GK5: variants seen among roughly 807,000 people sequenced by gnomAD.
GK5 encodes ATP:glycerol 3-phosphotransferase 5.
In GK5, 39 loss-of-function variants were observed where a neutral mutation model predicts 77.3. The observed-to-expected ratio is 0.50, with a 90% CI of 0.39 to 0.66. The LOEUF (loss-of-function observed/expected upper bound fraction) is 0.66. GK5 is among the 30% of genes least tolerant of loss of function. GK5 has a pLI of 0.00. For synonymous variants in GK5, 211 were observed against 208.0 expected, an observed-to-expected ratio of 1.01 and a Z score of -0.13; for missense variants, 487 against 633.8, an observed-to-expected ratio of 0.77 and a Z score of 2.49.
At chr3:142,199,101 C>A (rs1389501527) in intron 4 of GK5, among the ~76,000 whole-genome samples, 168 bp from the exon 5 acceptor site, 1 of 152,024 alleles carries the variant, frequency 6.6e-6, no homozygotes, top group Non-Finnish European at 1.5e-5. Flanking sequence ...CCTAAATGGG[C>A]AGTTTGTATT....
intron 1 of GK5, 79 bp from the exon 2 acceptor site, chr3:142,215,771 G>T: frequency 3.2e-6 from 2 of 629,298 alleles, no homozygotes; most frequent in Admixed American, 3.2e-5. Flanking sequence ...CAAAACTACT[G>T]GTTAAAATAA....
intron 3 of GK5, among the ~76,000 whole-genome samples, chr3:142,212,852 T>C (rs1232062984): frequency 6.7e-6 from 1 of 148,284 alleles, no homozygotes; most frequent in Non-Finnish European, 1.5e-5. Context: ...TTTTTTTTTT[T>C]TGAGACGGAG....
intron 10 of GK5, among the ~76,000 whole-genome samples, chr3:142,182,395 AGT>A (rs747329263): frequency 5.9e-5 from 9 of 151,982 alleles, no homozygotes; most frequent in Non-Finnish European, 1.2e-4. Flanking sequence ...CCCAGGCTGG[AGT>A]GCAGTGGCGC....
chr3:142,172,298 G>A, intron 13 of GK5, 55 bp downstream of exon 13: 2 of 799,170 alleles, frequency 2.5e-6, no homozygotes, highest in East Asian at 2.5e-5. Context: ...GCAAATTAAT[G>A]AAAGACATGG....
chr3:142,196,023 C>A (rs1256486137), intron 5 of GK5, among the ~76,000 whole-genome samples: 1 of 152,074 alleles, frequency 6.6e-6, no homozygotes, highest in Non-Finnish European at 1.5e-5. Flanking sequence ...TAGATTTATT[C>A]AGATTATTTA....
chr3:142,166,855 CATA>C (rs763695880), intron 15 of GK5, among the ~76,000 whole-genome samples: 18 of 152,214 alleles, frequency 1.2e-4, no homozygotes, highest in Admixed American at 1.2e-3. Context: ...TAACTAAGAT[CATA>C]AGTAGTCTGA....
chr3:142,204,746 G>T lies in GK5; in HGVS notation c.360C>A (p.Asp120Glu). 1 of 1,586,578 alleles carries T rather than the reference G, an allele frequency of 6.3e-7. No individual in the cohort carries two copies. The highest frequency in any genetic ancestry group is 8.6e-7 in the Non-Finnish European group (1 of 1,160,092). Reference sequence around the variant, plus strand: ...ATTTTACAAGTTCAACAGCTCTTAAGTCTTGCCAACTTATAAAGTTGTGAA... The same window carrying T: ...ATTTTACAAGTTCAACAGCTCTTAATTCTTGCCAACTTATAAAGTTGTGAA... The part of the protein sequence containing the change: ...NHFHNFISWQ[D>E]LRAVELVKSW... Residue 120 changes from aspartate (D) to glutamate (E), a missense_variant, in exon 4 of 16, where the codon GAC becomes GAA. Asp to Glu is a conservative substitution (Grantham distance 45, BLOSUM62 2). This residue lies in a region of GK5 where 323 missense variants were observed against 437.4 expected (regional missense o/e 0.74). Transcript: ENST00000392993.
intron 5 of GK5, among the ~76,000 whole-genome samples, chr3:142,192,910 C>T (rs1331566379): frequency 6.6e-6 from 1 of 152,082 alleles, no homozygotes; most frequent in Non-Finnish European, 1.5e-5. Flanking sequence ...AGAAGCCAGT[C>T]TGTAAAGTCT....
chr3:142,225,426 C>G lies in GK5; in HGVS notation c.30G>C (p.Gln10His), dbSNP rs2064414937. The G allele has an allele frequency of 6.2e-7, 1 of 1,602,300 alleles. No homozygotes were observed. Among genetic ancestry groups the G allele is most frequent in the Middle Eastern group, 1.7e-4 (1 of 6,002 alleles). The change falls in exon 1 of 16, where the codon CAG (glutamine) becomes CAC (histidine). Residue 10 changes from glutamine to histidine, a missense_variant. Transcript: ENST00000392993. The part of the protein sequence containing the change: MSGLLTDPE[Q>H]RAQEPRYPGF... ...CGGGGTACCGCGGCTCCTGCGCTCT[C>G]TGCTCCGGGTCCGTGAGCAGCCCCG...
chr3:142,196,836 A>G (rs1371044366), intron 5 of GK5, among the ~76,000 whole-genome samples: 1 of 152,130 alleles, frequency 6.6e-6, no homozygotes, highest in East Asian at 1.9e-4. Flanking sequence ...GTTAGTTGTT[A>G]CTGTTAATCA....
intron 11 of GK5, among the ~76,000 whole-genome samples, chr3:142,180,352 G>A (rs1305033492): frequency 2.6e-5 from 4 of 151,586 alleles, no homozygotes; most frequent in Admixed American, 2.0e-4. Flanking sequence ...GCCCAGGCTG[G>A]AGTGCAATGG....
At position 142,225,486 on chromosome 3, in the gene GK5, GC is replaced by G; in HGVS notation, c.-32del. The G allele has an allele frequency of 6.3e-7, 1 of 1,592,268 alleles. No homozygotes were observed. The highest frequency in any genetic ancestry group is 8.5e-7 in the Non-Finnish European group (1 of 1,175,458). ...TCCCGCACGCCTCTCCGCTACAGCCGCCTACCCAGAGGGCGCGCTACAAATC... is the reference window on the plus strand; with the variant it reads ...TCCCGCACGCCTCTCCGCTACAGCCGCTACCCAGAGGGCGCGCTACAAATC... On this transcript the variant is annotated 5_prime_UTR_variant, in exon 1 of 16. Coordinates refer to ENST00000392993, the MANE Select transcript of GK5 (RefSeq NM_001039547.3).
chr3:142,181,661 A>G (rs2063699326), intron 10 of GK5, 96 bp from the exon 11 acceptor site: 3 of 804,726 alleles, frequency 3.7e-6, no homozygotes. Flanking sequence ...AAAAAACTGC[A>G]AAGTGCCTCT....
intron 3 of GK5, among the ~76,000 whole-genome samples, chr3:142,208,871 C>T (rs1057351024): frequency 2.6e-5 from 4 of 152,148 alleles, no homozygotes; most frequent in East Asian, 1.9e-4. Flanking sequence ...AAATAGAGGC[C>T]GGGCGTGGTG....
intron 1 of GK5, among the ~76,000 whole-genome samples, chr3:142,221,740 T>G (rs925176747): frequency 6.6e-6 from 1 of 152,212 alleles, no homozygotes; most frequent in African/African-American, 2.4e-5. Context: ...AATGTTCATA[T>G]GTGGAGTTTC....
At chr3:142,170,167 T>G (rs13067957) in intron 15 of GK5, 158 bp downstream of exon 15, 79,215 of 788,952 alleles carry the variant, frequency 0.1, 4,106 homozygotes, top group South Asian at 0.12. Context: ...ACAGAGGAGG[T>G]CACAGGATAT....
intron 5 of GK5, 21 bp from the exon 6 acceptor site, chr3:142,187,800 A>C: frequency 6.3e-7 from 1 of 1,589,462 alleles, no homozygotes; most frequent in Non-Finnish European, 8.6e-7. Flanking sequence ...CAACAGCACA[A>C]AATCGATTCA....
chr3:142,173,874 G>C (rs1480047116), intron 12 of GK5, among the ~76,000 whole-genome samples: 1 of 152,110 alleles, frequency 6.6e-6, no homozygotes, highest in Non-Finnish European at 1.5e-5. Context: ...GCACCTTCTA[G>C]CTTCAGGGTT....
intron 4 of GK5, among the ~76,000 whole-genome samples, chr3:142,202,226 G>T (rs2064035560): frequency 6.6e-6 from 1 of 152,206 alleles, no homozygotes; most frequent in Non-Finnish European, 1.5e-5. Context: ...TAAAAGCAAA[G>T]AGAAGAAAGC....
Sources: allele counts gnomAD v4.1 joint callset (sites outside exome capture counted in the v4.1 genomes callset), GRCh38; gene constraint gnomAD v4.1.1; regional missense constraint gnomAD v4.1.1; transcripts MANE v1.5; gene names NCBI Gene and HGNC (gene_info 2026-07-23, HGNC 2026-07-21).